Variants in PCDH15 observed in about 807,000 individuals in gnomAD.
PCDH15 encodes protocadherin related 15.
A neutral mutation model predicts 178.5 loss-of-function variants in PCDH15; 129 were observed. The ratio of observed to expected loss-of-function variants is 0.72; its 90% CI spans 0.63 to 0.84. The LOEUF (loss-of-function observed/expected upper bound fraction) is 0.84, where lower values mean the gene tolerates loss of function less well. PCDH15 is among the 40% of genes least tolerant of loss of function. PCDH15 has a pLI of 0.00. For missense variants in PCDH15, 2,230 were observed against 2,099.9 expected (o/e 1.06, Z -1.21); for synonymous variants, 800 against 732.0 (o/e 1.09, Z -1.50).
At chr10:54,138,937 A>C (rs1413060734) in intron 14 of PCDH15, among the ~76,000 whole-genome samples, 1 of 151,952 alleles carries the variant, frequency 6.6e-6, no homozygotes, top group Non-Finnish European at 1.5e-5. Flanking sequence ...GTTTATAAAT[A>C]AAAGAATACA....
intron 2 of PCDH15, among the ~76,000 whole-genome samples, chr10:55,152,720 A>C (rs1161923668): frequency 6.6e-6 from 1 of 152,182 alleles, no homozygotes; most frequent in African/African-American, 2.4e-5. Context: ...AGGAAGAGTT[A>C]GATATCTTAA....
rs150897980 is a variant in PCDH15 at position 54,079,186 on chromosome 10, G to A, written c.2091+145C>T. On this transcript the variant is annotated intron_variant, in intron 17 of 37. Coordinates refer to ENST00000644397, the MANE Select transcript of PCDH15 (RefSeq NM_001384140.1). ...GTATAGGTGCATGTATTAATAGCCT[G>A]TTGAAGAAAAGAGCAACACTTCTAG... 2,048 of 835,880 alleles carry A rather than the reference G, an allele frequency of 2.5e-3. 2 individuals are homozygous for A. Among genetic ancestry groups the A allele is most frequent in the Admixed American group, 4.2e-3 (219 of 51,892 alleles). 51.8% of individuals were successfully genotyped at this position (835,880 alleles called of 1,614,324 possible).
At chr10:54,656,549 A>G (rs926746845) in intron 2 of PCDH15, among the ~76,000 whole-genome samples, 1 of 152,160 alleles carries the variant, frequency 6.6e-6, no homozygotes, top group African/African-American at 2.4e-5. Flanking sequence ...GTGCCGTACT[A>G]GTTGTGTACA....
chr10:55,149,217 T>C (rs1246689277), intron 2 of PCDH15, among the ~76,000 whole-genome samples: 3 of 149,838 alleles, frequency 2.0e-5, no homozygotes, highest in Admixed American at 1.3e-4. Flanking sequence ...GGAGCAGTCT[T>C]TCAATAAATG....
chr10:53,933,924 GTGA>G (rs2085324576), intron 25 of PCDH15, among the ~76,000 whole-genome samples: 1 of 152,204 alleles, frequency 6.6e-6, no homozygotes, highest in East Asian at 1.9e-4. Flanking sequence ...CTGATGGCCA[GTGA>G]TGATGAGCAT....
At position 54,409,443 on chromosome 10, in the gene PCDH15, C is replaced by T. The variant is rs200667367; in HGVS notation, c.158-30501G>A. On this transcript the variant is annotated intron_variant, in intron 3 of 37. Transcript: ENST00000644397. ...TAACTAATATCCCTAACTGATATTGCAGACTTCACATAAAAACATCCTGTT... is the reference window on the plus strand; with the variant it reads ...TAACTAATATCCCTAACTGATATTGTAGACTTCACATAAAAACATCCTGTT... 2.0e-5 allele frequency among the ~76,000 whole-genome samples: 3 copies of T among 152,084 alleles called. No homozygotes were observed. In the East Asian group the frequency reaches 5.8e-4, roughly 30 times the overall value.
intron 25 of PCDH15, among the ~76,000 whole-genome samples, chr10:53,913,753 C>A (rs7087311): frequency 0.75 from 113,272 of 150,296 alleles, 43,107 homozygotes; most frequent in East Asian, 1. Context: ...CAAAAAAAAA[C>A]CAAAAAACAA....
At chr10:55,082,802 A>T (rs765946863) in intron 2 of PCDH15, among the ~76,000 whole-genome samples, 1 of 151,824 alleles carries the variant, frequency 6.6e-6, no homozygotes, top group Non-Finnish European at 1.5e-5. Flanking sequence ...TTGGGAATAC[A>T]TTGATAAATG....
intron 25 of PCDH15, among the ~76,000 whole-genome samples, chr10:53,916,898 A>G (rs940532386): frequency 6.6e-6 from 1 of 151,514 alleles, no homozygotes; most frequent in Non-Finnish European, 1.5e-5. Context: ...TCAAGGCAGG[A>G]GGGAGAAAAT....
At chr10:54,468,215 T>C (rs1565352746) in intron 3 of PCDH15, among the ~76,000 whole-genome samples, 1 of 151,986 alleles carries the variant, frequency 6.6e-6, no homozygotes, top group Non-Finnish European at 1.5e-5. Flanking sequence ...GTTTGGTGTG[T>C]TCTTGCTTTT....
In PCDH15 at chr10:55,138,859, G is replaced by C. The variant is rs1838273772; in HGVS notation, c.-80+27717C>G. Among the ~76,000 whole-genome samples, 4 of 152,090 alleles carry C rather than the reference G, an allele frequency of 2.6e-5. No homozygotes were observed. In the South Asian group the frequency reaches 8.3e-4, roughly 32 times the overall value. On this transcript the variant is annotated intron_variant, in intron 2 of 5. Coordinates refer to the PCDH15 transcript ENST00000458638. ...CATTTTCTAGAATTTCATGAAAATT[G>C]AATTACACAGTATGTCCCTTTGTAT...
At chr10:55,431,059 C>A (rs1226926259) in intron 2 of PCDH15, among the ~76,000 whole-genome samples, 1 of 152,080 alleles carries the variant, frequency 6.6e-6, no homozygotes, top group East Asian at 1.9e-4. Flanking sequence ...ATTATCTCCT[C>A]TTTTAAAAAA....
intron 2 of PCDH15, among the ~76,000 whole-genome samples, chr10:55,598,667 G>T (rs1259707461): frequency 6.6e-6 from 1 of 150,928 alleles, no homozygotes; most frequent in South Asian, 2.1e-4. Context: ...TAACCTTCAT[G>T]AAATCTAAAT....
rs1953606277 is a variant in PCDH15, at chr10:54,850,819, A to G, written c.-29+46631T>C. On this transcript the variant is annotated intron_variant, in intron 3 of 5. Transcript: ENST00000458638. The stretch of plus-strand genomic sequence containing the variant: ...AATTACATTTACATTCCAGGAAAAT[A>G]ATATATAAAACATCTGAAAAATTCA... Among the ~76,000 whole-genome samples the G allele has an allele frequency of 2.0e-5, 3 of 152,174 alleles. No homozygotes were observed. The South Asian group carries it at 6.2e-4, about 31-fold the overall frequency.
chr10:54,272,518 G>GGA (rs5785053), intron 8 of PCDH15, among the ~76,000 whole-genome samples: 17 of 151,882 alleles, frequency 1.1e-4, no homozygotes, highest in Non-Finnish European at 2.1e-4. Context: ...AGGAAGAGGG[G>GGA]TACTTTTTGT....
At chr10:54,670,946 A>G (rs527277477) in intron 1 of PCDH15, among the ~76,000 whole-genome samples, 16 of 152,228 alleles carry the variant, frequency 1.1e-4, no homozygotes, top group African/African-American at 3.8e-4. Context: ...ATAAGTTTTA[A>G]TTGCCAATTT....
chr10:54,190,266 T>C (rs1233271887), intron 11 of PCDH15, among the ~76,000 whole-genome samples: 1 of 152,178 alleles, frequency 6.6e-6, no homozygotes, highest in African/African-American at 2.4e-5. Flanking sequence ...AGCCCTGCAA[T>C]GACAACTTCC....
In PCDH15 at chr10:55,429,176, AT is replaced by A. The variant is rs200626490; in HGVS notation, c.-156+198448del. Among the ~76,000 whole-genome samples, 869 of 151,948 alleles carry A rather than the reference AT, an allele frequency of 5.7e-3. 11 individuals are homozygous for A. The highest frequency in any genetic ancestry group is 0.02 in the African/African-American group (821 of 41,482). ...CCATGTAGTAACCATTTCTAGTGGT[AT>A]TTTTTTTCCTTTGAATAGATTTATA... On this transcript the variant is annotated intron_variant, in intron 2 of 5. Transcript: ENST00000613346.
chr10:54,252,775 G>GT (rs148840203), intron 8 of PCDH15, among the ~76,000 whole-genome samples: 10,163 of 151,246 alleles, frequency 0.067, 649 homozygotes, highest in African/African-American at 0.16. Flanking sequence ...CTTTTCTCAG[G>GT]ATTTTTTTTT....
Sources: allele counts gnomAD v4.1 joint callset (sites outside exome capture counted in the v4.1 genomes callset), GRCh38; gene constraint gnomAD v4.1.1; transcripts MANE v1.5; gene names NCBI Gene and HGNC (gene_info 2026-07-23, HGNC 2026-07-21).